The following MIAT variants were observed in gnomAD, a reference collection of about 807,000 sequenced individuals.
MIAT encodes the protein MI related novel mRNA.
downstream of MIAT, chr22:26,673,085 G>T: frequency 2.5e-6 from 1 of 398,696 alleles, no homozygotes; most frequent in East Asian, 3.6e-5. Context: ...AAAGGGGTGT[G>T]GGGAGGGGAA....
At chr22:26,665,188 C>T (rs556215830) in intron 3 of MIAT, among the ~76,000 whole-genome samples, 2 of 151,790 alleles carry the variant, frequency 1.3e-5, no homozygotes, top group East Asian at 1.9e-4. Context: ...TTGCAGTGAG[C>T]CGAGATCATG....
At chr22:26,675,963 C>G in exon 5 of MIAT, 3 of 398,576 alleles carry the variant, frequency 7.5e-6, no homozygotes, top group Non-Finnish European at 4.4e-6. Context: ...TGCATCTTGA[C>G]AATATTAGAG....
chr22:26,663,640 A>G (rs1300865389), intron 3 of MIAT: 1 of 371,480 alleles, frequency 2.7e-6, no homozygotes, highest in Non-Finnish European at 4.8e-6. Context: ...GGTGCTCACA[A>G]CTGGTTCTTT....
chr22:26,669,865 C>T, downstream of MIAT: 2 of 398,732 alleles, frequency 5.0e-6, no homozygotes, highest in Non-Finnish European at 8.8e-6. Context: ...CTGAGAAGGG[C>T]CTGGGCTACA....
intron 5 of MIAT, chr22:26,667,412 G>A (rs1930890586): frequency 7.6e-6 from 3 of 395,820 alleles, no homozygotes; most frequent in Admixed American, 4.4e-5. Flanking sequence ...GTGTGTGCGC[G>A]TGTATGTGTG....
chr22:26,667,325 C>T (rs1930880543), intron 5 of MIAT: 2 of 355,550 alleles, frequency 5.6e-6, no homozygotes, highest in Admixed American at 5.8e-5. Context: ...GCTCCTCGTC[C>T]TGGGAGCAGT....
At chr22:26,672,040 C>T (rs925002001), downstream of MIAT, 3 of 399,002 alleles carry the variant, frequency 7.5e-6, no homozygotes, top group Admixed American at 4.4e-5. Flanking sequence ...GATTACTAAC[C>T]CGTCTAACCC....
At chr22:26,652,921 G>C (rs1178270133) in intron 2 of MIAT, among the ~76,000 whole-genome samples, 1 of 152,126 alleles carries the variant, frequency 6.6e-6, no homozygotes, top group Non-Finnish European at 1.5e-5. Flanking sequence ...GTCCAAGTTA[G>C]CCCTACACAT....
chr22:26,650,189 T>A (rs1930312364), intron 2 of MIAT: 1 of 152,116 alleles, frequency 6.6e-6, no homozygotes, highest in African/African-American at 2.4e-5. Context: ...AGGACCAATG[T>A]CCTTATGAGA....
rs1338442678 is a variant in MIAT, at chr22:26,675,259, C to T, written n.8927C>T. 4 of 398,680 alleles carry T rather than the reference C, an allele frequency of 1.0e-5. No homozygotes were observed. The Admixed American group carries it at 1.8e-4, about 18-fold the overall frequency. 24.7% of individuals were successfully genotyped at this position (398,680 alleles called of 1,614,324 possible). A position where few individuals can be genotyped will look rare whatever the true frequency, so the allele number is the denominator to read the frequency against. Reference sequence around the variant, plus strand: ...CAGCGAGAGTGGTGGACACCAGTTTCTGGGGATCAGAGAGGATCCAAAGAG... The same window carrying T: ...CAGCGAGAGTGGTGGACACCAGTTTTTGGGGATCAGAGAGGATCCAAAGAG... On this transcript the variant is annotated non_coding_transcript_exon_variant, in exon 5 of 5. Coordinates refer to the MIAT transcript ENST00000613780.
chr22:26,671,459 G>A (rs1427407561), downstream of MIAT: 4 of 398,654 alleles, frequency 1.0e-5, no homozygotes, highest in East Asian at 7.1e-5. Flanking sequence ...GGCGTGTGAC[G>A]AGGTGCCTGG....
At chr22:26,661,900 A>G (rs1930676890) in intron 2 of MIAT, among the ~76,000 whole-genome samples, 1 of 142,820 alleles carries the variant, frequency 7.0e-6, no homozygotes, top group Admixed American at 7.2e-5. Context: ...CCATATATAT[A>G]TGGATCTATA....
chr22:26,665,077 T>TAA (rs539316908), intron 3 of MIAT, among the ~76,000 whole-genome samples: 1 of 147,974 alleles, frequency 6.8e-6, no homozygotes, highest in African/African-American at 2.5e-5. Flanking sequence ...TCTCTACTAC[T>TAA]AAAAAAAAAA....
intron 2 of MIAT, chr22:26,657,172 C>T (rs557079277): frequency 3.7e-4 from 83 of 225,012 alleles, no homozygotes; most frequent in Middle Eastern, 1.4e-3. Context: ...CCCCGCGCCT[C>T]TCCAGCCCTG....
At chr22:26,661,813 C>T (rs1267355446) in intron 2 of MIAT, among the ~76,000 whole-genome samples, 1 of 147,674 alleles carries the variant, frequency 6.8e-6, no homozygotes, top group Non-Finnish European at 1.5e-5. Flanking sequence ...GGCCAGTTTT[C>T]TCACAGTAAT....
chr22:26,665,736 A>G, exon 4 of MIAT: 1 of 398,648 alleles, frequency 2.5e-6, no homozygotes. Context: ...GATGTAGCTC[A>G]TTCTCTTTTC....
At chr22:26,655,570 T>A (rs1169866530) in intron 2 of MIAT, among the ~76,000 whole-genome samples, 1 of 152,226 alleles carries the variant, frequency 6.6e-6, no homozygotes. Context: ...TGATGTGGAT[T>A]CCATTATTAT....
At chr22:26,649,406 C>T (rs1209401323) in intron 2 of MIAT, among the ~76,000 whole-genome samples, 1 of 152,224 alleles carries the variant, frequency 6.6e-6, no homozygotes, top group Non-Finnish European at 1.5e-5. Flanking sequence ...GATTCCTCCC[C>T]ACTATTCCTG....
chr22:26,661,961 T>TATATACAC (rs1336346956), intron 2 of MIAT, among the ~76,000 whole-genome samples: 7 of 44,010 alleles, frequency 1.6e-4, no homozygotes, highest in Admixed American at 2.5e-4. Context: ...TATATATATA[T>TATATACAC]ACACACACAC....
Sources: gnomAD v4.1 joint callset for allele counts (sites outside exome capture counted in the v4.1 genomes callset) on GRCh38, gnomAD v4.1.1 for gene constraint, MANE v1.5 for transcripts, NCBI Gene and HGNC (gene_info 2026-07-23, HGNC 2026-07-21) for gene names.